Variants in SPRED2 observed in about 807,000 individuals in gnomAD.
SPRED2 encodes sprouty-related, EVH1 domain-containing protein 2.
SPRED2 carries 47 observed loss-of-function variants against 43.0 expected under a neutral mutation model. The observed-to-expected ratio is 1.09, with a 90% CI of 0.87 to 1.40. SPRED2 has a LOEUF of 1.40. Ranked by LOEUF, SPRED2 falls within the 40% of genes most tolerant of loss-of-function variation. The pLI is 0.00. For synonymous variants in SPRED2, 225 were observed against 225.7 expected, an observed-to-expected ratio of 1.00 and a Z score of 0.03; for missense variants, 561 against 586.4, an observed-to-expected ratio of 0.96 and a Z score of 0.45.
downstream of SPRED2, among the ~76,000 whole-genome samples, chr2:65,309,575 T>C (rs1673016786): frequency 6.7e-6 from 1 of 149,078 alleles, no homozygotes; most frequent in South Asian, 2.1e-4. Flanking sequence ...TATGCAAATA[T>C]ATCAGGGACT....
intron 4 of SPRED2, among the ~76,000 whole-genome samples, chr2:65,320,837 C>G (rs537677527): frequency 6.6e-6 from 1 of 152,336 alleles, no homozygotes; most frequent in South Asian, 2.1e-4. Flanking sequence ...CCTCATGCAC[C>G]TCTGAACTGG....
chr2:65,323,758 C>T (rs1673507934), intron 4 of SPRED2, among the ~76,000 whole-genome samples: 1 of 151,940 alleles, frequency 6.6e-6, no homozygotes. Context: ...AACCTGTAGT[C>T]CCAGCTACTC....
intron 2 of SPRED2, among the ~76,000 whole-genome samples, chr2:65,337,773 T>G (rs1427540064): frequency 6.6e-6 from 1 of 152,218 alleles, no homozygotes; most frequent in Non-Finnish European, 1.5e-5. Flanking sequence ...TAACGGACAT[T>G]TATGTCAGTA....
At chr2:65,329,026 C>G (rs889414822) in intron 4 of SPRED2, among the ~76,000 whole-genome samples, 1 of 152,224 alleles carries the variant, frequency 6.6e-6, no homozygotes, top group African/African-American at 2.4e-5. Context: ...CCATCTAGGA[C>G]AAAACCAACA....
chr2:65,366,538 A>G, intron 1 of SPRED2: 1 of 1,529,708 alleles, frequency 6.5e-7, no homozygotes, highest in Non-Finnish European at 8.8e-7. Context: ...AGAAAGGTTA[A>G]GAATAAGAGA....
chr2:65,397,022 T>A (rs1049942344), intron 1 of SPRED2, among the ~76,000 whole-genome samples: 9 of 152,140 alleles, frequency 5.9e-5, no homozygotes, highest in African/African-American at 2.2e-4. Flanking sequence ...TGAGGAGGTC[T>A]GCCATATGCC....
chr2:65,318,199 C>T (rs1345241240), intron 4 of SPRED2, among the ~76,000 whole-genome samples: 3 of 152,168 alleles, frequency 2.0e-5, no homozygotes, highest in Non-Finnish European at 4.4e-5. Context: ...ATGTGACTTG[C>T]TCCTTCTTGC....
rs62139116 is a variant in SPRED2, at chr2:65,348,392, G to A, written c.27-3496C>T. Among the ~76,000 whole-genome samples, 724 of 152,318 alleles carry A rather than the reference G, an allele frequency of 4.8e-3. 2 individuals are homozygous for A. The highest frequency in any genetic ancestry group is 8.3e-3 in the Non-Finnish European group (562 of 68,032). Reference sequence around the variant, plus strand: ...CCAGAATATGAATTCCACAGGAGCAGAAACTTTGCCTTTTTTGTTCACTGC... The same window carrying A: ...CCAGAATATGAATTCCACAGGAGCAAAAACTTTGCCTTTTTTGTTCACTGC... On this transcript the variant is annotated intron_variant, in intron 1 of 5. Transcript: ENST00000356388.
intron 1 of SPRED2, among the ~76,000 whole-genome samples, chr2:65,382,143 C>T (rs1675387445): frequency 6.6e-6 from 1 of 152,128 alleles, no homozygotes; most frequent in Admixed American, 6.5e-5. Context: ...CTGGAGCAGC[C>T]TGACCTGTGG....
chr2:65,380,994 C>T (rs530122185), intron 1 of SPRED2, among the ~76,000 whole-genome samples: 18 of 152,300 alleles, frequency 1.2e-4, no homozygotes, highest in African/African-American at 3.6e-4. Context: ...TTGCAGTTCT[C>T]TGAGGAAGGC....
rs117782450 is a variant in SPRED2, at chr2:65,365,374, C to T, written c.27-20478G>A. Among the ~76,000 whole-genome samples the T allele has an allele frequency of 6.6e-5, 10 of 152,300 alleles. No homozygotes were observed. In the East Asian group the frequency reaches 1.9e-3, roughly 29 times the overall value. ...AACAAACTCCCTTCATGCTGGTTTT[C>T]CAAATTATAGGAATTTCTGAATGTA... On this transcript the variant is annotated intron_variant, in intron 1 of 5. Coordinates refer to ENST00000356388, the MANE Select transcript of SPRED2 (RefSeq NM_181784.3).
intron 3 of SPRED2, among the ~76,000 whole-genome samples, chr2:65,333,676 A>G (rs1673881536): frequency 6.6e-6 from 1 of 152,184 alleles, no homozygotes; most frequent in Non-Finnish European, 1.5e-5. Flanking sequence ...TGATTTGAAC[A>G]CTGGTTTTTA....
intron 1 of SPRED2, among the ~76,000 whole-genome samples, chr2:65,422,993 T>C (rs995376243): frequency 4.6e-5 from 7 of 152,224 alleles, no homozygotes; most frequent in African/African-American, 1.7e-4. Flanking sequence ...ATTAAGACTA[T>C]AGTCACACTT....
At position 65,312,227 on chromosome 2, in the gene SPRED2, GGCGA is replaced by G. The variant is rs1458113676; in HGVS notation, c.*1270_*1273del. The G allele has an allele frequency of 3.0e-6, 3 of 985,604 alleles. No individual in the cohort carries two copies. Among genetic ancestry groups the G allele is most frequent in the Non-Finnish European group, 3.6e-6 (3 of 829,946 alleles). 61.1% of individuals were successfully genotyped at this position (985,604 alleles called of 1,614,324 possible). A position where few individuals can be genotyped will look rare whatever the true frequency, so the allele number is the denominator to read the frequency against. ...ACCTAACCACCTGTGCACCCAAAGT[GGCGA>G]GTCTGGGTTTGGAGTTGCAGGAGAA... On this transcript the variant is annotated 3_prime_UTR_variant, in exon 6 of 6. Transcript: ENST00000356388.
chr2:65,400,136 C>T (rs1675850526), intron 1 of SPRED2, among the ~76,000 whole-genome samples: 3 of 152,124 alleles, frequency 2.0e-5, no homozygotes, highest in Non-Finnish European at 4.4e-5. Context: ...TGAGGTTTAG[C>T]TCTTATATTA....
intron 1 of SPRED2, among the ~76,000 whole-genome samples, chr2:65,367,869 A>G (rs1675022955): frequency 6.6e-6 from 1 of 152,166 alleles, no homozygotes; most frequent in Admixed American, 6.5e-5. Context: ...CCCTTTGGTA[A>G]TGTGGCACAG....
At chr2:65,320,305 C>T (rs1472016639) in intron 4 of SPRED2, among the ~76,000 whole-genome samples, 1 of 152,228 alleles carries the variant, frequency 6.6e-6, no homozygotes, top group Admixed American at 6.5e-5. Context: ...CATCTGTTCA[C>T]CCTAACTCAG....
chr2:65,328,748 C>T (rs1222812895), intron 4 of SPRED2, among the ~76,000 whole-genome samples: 1 of 152,200 alleles, frequency 6.6e-6, no homozygotes, highest in Non-Finnish European at 1.5e-5. Context: ...AGACTCCAAA[C>T]ACAGGGATCA....
At chr2:65,316,382 G>A (rs768321066) in intron 5 of SPRED2, among the ~76,000 whole-genome samples, 3 of 152,210 alleles carry the variant, frequency 2.0e-5, no homozygotes, top group Non-Finnish European at 2.9e-5. Context: ...GTAGCCCCCT[G>A]GGTGAGAACA....
Sources: gnomAD v4.1 joint callset for allele counts (sites outside exome capture counted in the v4.1 genomes callset) on GRCh38, gnomAD v4.1.1 for gene constraint, MANE v1.5 for transcripts, NCBI Gene and HGNC (gene_info 2026-07-23, HGNC 2026-07-21) for gene names.